Variants in TRIM24 observed in about 807,000 individuals in gnomAD.
TRIM24 encodes the protein tripartite motif containing 24.
Under a neutral mutation model 123.9 loss-of-function variants are expected in TRIM24, and 29 were observed. The observed-to-expected ratio is 0.23, with a 90% confidence interval of 0.17 to 0.32. The LOEUF (loss-of-function observed/expected upper bound fraction) is 0.32. Among genes scored for constraint, TRIM24 ranks in the 10% least tolerant of loss-of-function variants. The pLI, the probability that TRIM24 is intolerant of heterozygous loss-of-function variation, is 1.00. For missense variants in TRIM24, 932 were observed against 1,295.3 expected, an observed-to-expected ratio of 0.72 and a Z score of 4.31; for synonymous variants, 456 against 461.1, an observed-to-expected ratio of 0.99 and a Z score of 0.14.
At chr7:138,534,416 T>G (rs1796819863) in intron 6 of TRIM24, among the ~76,000 whole-genome samples, 1 of 152,232 alleles carries the variant, frequency 6.6e-6, no homozygotes, top group Admixed American at 6.5e-5. Context: ...ACGTTGTGTC[T>G]TTGTTCTTAT....
At chr7:138,534,907 G>T (rs1216288878) in intron 6 of TRIM24, among the ~76,000 whole-genome samples, 2 of 152,086 alleles carry the variant, frequency 1.3e-5, no homozygotes, top group Non-Finnish European at 2.9e-5. Flanking sequence ...TCCTGTATTG[G>T]GTGCATATAT....
rs1182276337 is a variant in TRIM24 at position 138,508,700 on chromosome 7, C to CGCGCGTGTGTGCGTGTGT, written c.483+4293_483+4294insCGCGTGTGTGCGTGTGTG. 2.0e-4 allele frequency among the ~76,000 whole-genome samples: 7 copies of CGCGCGTGTGTGCGTGTGT among 35,502 alleles called. 1 individual carries two copies. Among genetic ancestry groups the CGCGCGTGTGTGCGTGTGT allele is most frequent in the East Asian group, 7.1e-4 (1 of 1,406 alleles). 23.3% of individuals were successfully genotyped at this position (35,502 alleles called of 152,430 possible). ...GTGTGTGTGTGTGTGTGTGCGCGCG[C>CGCGCGTGTGTGCGTGTGT]GTGTGTGCGTGTGTGTGTGCGTGTG... is the stretch of plus-strand genomic sequence containing the variant. On this transcript the variant is annotated intron_variant, in intron 2 of 18. Transcript: ENST00000343526.
At chr7:138,559,488 A>G (rs1468968759) in intron 9 of TRIM24, among the ~76,000 whole-genome samples, 1 of 152,200 alleles carries the variant, frequency 6.6e-6, no homozygotes, top group Non-Finnish European at 1.5e-5. Context: ...TATTGGACCT[A>G]AGAATTCTAA....
chr7:138,539,986 G>A (rs1432652923), intron 7 of TRIM24, among the ~76,000 whole-genome samples: 1 of 152,022 alleles, frequency 6.6e-6, no homozygotes, highest in African/African-American at 2.4e-5. Flanking sequence ...ATTTTTAGTA[G>A]AGACGGGGTT....
chr7:138,466,867 C>T (rs755833099), intron 1 of TRIM24, among the ~76,000 whole-genome samples: 27 of 151,996 alleles, frequency 1.8e-4, no homozygotes, highest in Non-Finnish European at 2.8e-4. Context: ...CAATTTTTTG[C>T]CTACCCCAAG....
Position 138,587,218 on chromosome 7 carries a change from T to C in TRIM24, c.*2267T>C, listed in dbSNP as rs1259861262. 2.0e-5 allele frequency: 3 copies of C among 152,124 alleles called. No individual in the cohort carries two copies. Among genetic ancestry groups the C allele is most frequent in the Admixed American group, 2.0e-4 (3 of 15,272 alleles). 9.4% of individuals were successfully genotyped at this position (152,124 alleles called of 1,614,324 possible). A position where few individuals can be genotyped will look rare whatever the true frequency, so the allele number is the denominator to read the frequency against. ...AAATACAAAAATTAGCCGGACATGGTGGCGTGCAACTGTAATCCCAACTAC... is the reference window on the plus strand; with the variant it reads ...AAATACAAAAATTAGCCGGACATGGCGGCGTGCAACTGTAATCCCAACTAC... On this transcript the variant is annotated 3_prime_UTR_variant, in exon 19 of 19. Coordinates refer to ENST00000343526, the MANE Select transcript of TRIM24 (RefSeq NM_015905.3).
At chr7:138,487,538 A>G (rs942526392) in intron 1 of TRIM24, among the ~76,000 whole-genome samples, 15 of 152,170 alleles carry the variant, frequency 9.9e-5, no homozygotes, top group African/African-American at 3.6e-4. Flanking sequence ...TAGTTTATTG[A>G]GAGTTTTTAG....
chr7:138,545,492 T>A, intron 7 of TRIM24: 1 of 456,974 alleles, frequency 2.2e-6, no homozygotes. Context: ...TAGAAAGAAG[T>A]TAGGCTAGGA....
intron 2 of TRIM24, chr7:138,514,913 C>A (rs1044485004): frequency 8.3e-6 from 2 of 241,352 alleles, no homozygotes; most frequent in African/African-American, 4.4e-5. Context: ...GGGCAGCGAC[C>A]ATGTTTGCTT....
At chr7:138,472,597 T>G (rs1000705477) in intron 1 of TRIM24, among the ~76,000 whole-genome samples, 3 of 152,152 alleles carry the variant, frequency 2.0e-5, no homozygotes, top group Admixed American at 1.3e-4. Context: ...GTAGTGTTAG[T>G]GCAGGTTGTG....
intron 2 of TRIM24, among the ~76,000 whole-genome samples, chr7:138,507,870 G>C (rs1302403672): frequency 6.6e-6 from 1 of 151,764 alleles, no homozygotes; most frequent in Admixed American, 6.6e-5. Flanking sequence ...GAAGATGGAG[G>C]CTGCAGTGAG....
In TRIM24 at chr7:138,570,903, T is replaced by C. The variant is rs1324787107; in HGVS notation, c.1778T>C (p.Ile593Thr). The C allele has an allele frequency of 6.2e-7, 1 of 1,614,142 alleles. No individual in the cohort carries two copies. The highest frequency in any genetic ancestry group is 2.2e-5 in the East Asian group (1 of 44,888). Reference protein sequence around the residue: ...STSSTPSSPTITSAAGYDGKA... With the variant: ...STSSTPSSPTTTSAAGYDGKA... Reference sequence around the variant, plus strand: ...TCCTCTACTCCTTCCAGCCCCACGATTACTAGTGCAGCAGGATATGATGGA... The same window carrying C: ...TCCTCTACTCCTTCCAGCCCCACGACTACTAGTGCAGCAGGATATGATGGA... The change falls in exon 11 of 19, where the codon ATT (isoleucine) becomes ACT (threonine). Residue 593 changes from isoleucine (I) to threonine (T), a missense_variant. By Grantham distance (89) the Ile-to-Thr change is moderately conservative. Transcript: ENST00000343526.
At chr7:138,471,105 T>C (rs2042126101) in intron 1 of TRIM24, among the ~76,000 whole-genome samples, 1 of 152,198 alleles carries the variant, frequency 6.6e-6, no homozygotes, top group Admixed American at 6.5e-5. Flanking sequence ...AGATTACTCT[T>C]TGAAATTGAC....
intron 17 of TRIM24, among the ~76,000 whole-genome samples, chr7:138,582,965 T>C (rs964163534): frequency 2.6e-5 from 4 of 152,216 alleles, no homozygotes; most frequent in Admixed American, 6.5e-5. Context: ...AATTGTACTT[T>C]TTATTATCCT....
chr7:138,475,253 A>G (rs1414025305), intron 1 of TRIM24, among the ~76,000 whole-genome samples: 1 of 152,174 alleles, frequency 6.6e-6, no homozygotes, highest in Admixed American at 6.6e-5. Flanking sequence ...TATCTAACAA[A>G]GAGAGGACTT....
chr7:138,582,420 T>C (rs1797918160), intron 17 of TRIM24, among the ~76,000 whole-genome samples: 1 of 151,778 alleles, frequency 6.6e-6, no homozygotes, highest in South Asian at 2.1e-4. Context: ...CAGGCGCCTG[T>C]AGTCCCAGCT....
chr7:138,508,256 A>G lies in TRIM24; in HGVS notation c.483+3848A>G, dbSNP rs866691339. 7.2e-5 allele frequency among the ~76,000 whole-genome samples: 11 copies of G among 152,328 alleles called. No homozygotes were observed. The Middle Eastern group carries it at 0.01, about 141-fold the overall frequency. ...AAGTCATTTAACGTGCTGATTATAT[A>G]TCTTGTGAAACTGAATAAAAATGTA... is the stretch of plus-strand genomic sequence containing the variant. On this transcript the variant is annotated intron_variant, in intron 2 of 18. Coordinates refer to ENST00000343526, the MANE Select transcript of TRIM24 (RefSeq NM_015905.3).
intron 1 of TRIM24, among the ~76,000 whole-genome samples, chr7:138,493,566 A>T (rs1038582511): frequency 6.6e-6 from 1 of 152,180 alleles, no homozygotes; most frequent in Non-Finnish European, 1.5e-5. Flanking sequence ...AATAGTGTGT[A>T]ATCCTTTTTA....
chr7:138,567,054 C>T (rs904106298), intron 9 of TRIM24, among the ~76,000 whole-genome samples: 3 of 152,166 alleles, frequency 2.0e-5, no homozygotes, highest in African/African-American at 7.2e-5. Context: ...AAAGCAGTAC[C>T]TGGCATTTAA....
Sources: gnomAD v4.1 joint callset for allele counts (sites outside exome capture counted in the v4.1 genomes callset) on GRCh38, gnomAD v4.1.1 for gene constraint, MANE v1.5 for transcripts, NCBI Gene and HGNC (gene_info 2026-07-23, HGNC 2026-07-21) for gene names.